The following SHISA9 variants were observed in gnomAD, a reference collection of about 807,000 sequenced individuals.
The protein encoded by SHISA9 is shisa family member 9.
Under a neutral mutation model 38.0 loss-of-function variants are expected in SHISA9, and 13 were observed. The ratio of observed to expected loss-of-function variants is 0.34; its 90% CI spans 0.22 to 0.54. The LOEUF is 0.54. SHISA9 is among the 20% of genes least tolerant of loss of function. SHISA9 has a pLI of 0.91. For missense variants in SHISA9, 538 were observed against 575.8 expected (o/e 0.93, Z 0.67); for synonymous variants, 275 against 242.0 (o/e 1.14, Z -1.27).
intron 2 of SHISA9, among the ~76,000 whole-genome samples, chr16:12,970,424 TATGTATATATATATACACAC>T (rs2072055085): frequency 2.6e-5 from 2 of 77,446 alleles, no homozygotes; most frequent in African/African-American, 1.1e-4. Flanking sequence ...TATACACATA[TATGTATATATATATACACAC>T]ATATATATAT....
the SHISA9 span, among the ~76,000 whole-genome samples, chr16:13,546,205 ACAACTTTAGTCCAAG>A: frequency 0.15 from 22,691 of 152,214 alleles, 1,818 homozygotes; most frequent in African/African-American, 0.19. Flanking sequence ...CCTCAGTGCT[ACAACTTTAGTCCAAG>A]CAACCACCAT....
At chr16:13,256,258 A>G in the SHISA9 span, among the ~76,000 whole-genome samples, 7 of 102,856 alleles carry the variant, frequency 6.8e-5, no homozygotes, top group South Asian at 2.2e-3. Flanking sequence ...TATTGAAATT[A>G]CAGCATATTG....
chr16:13,232,370 A>G (rs1333045140), intron 4 of SHISA9, among the ~76,000 whole-genome samples: 1 of 152,238 alleles, frequency 6.6e-6, no homozygotes, highest in African/African-American at 2.4e-5. Context: ...TCAGCAAACC[A>G]CCATGGCACA....
chr16:13,475,161 G>T, the SHISA9 span, among the ~76,000 whole-genome samples: 492 of 152,206 alleles, frequency 3.2e-3, 3 homozygotes, highest in African/African-American at 0.011. Flanking sequence ...TAGGAAAGAT[G>T]AAGGGATGGA....
chr16:13,159,125 A>G (rs945478168), intron 2 of SHISA9, among the ~76,000 whole-genome samples: 1 of 152,094 alleles, frequency 6.6e-6, no homozygotes, highest in Non-Finnish European at 1.5e-5. Flanking sequence ...CAACAAAAAC[A>G]AAAAACGAAA....
intron 2 of SHISA9, among the ~76,000 whole-genome samples, chr16:12,989,302 T>C (rs1254388297): frequency 6.6e-6 from 1 of 151,976 alleles, no homozygotes; most frequent in Non-Finnish European, 1.5e-5. Context: ...CTCAGCCTCC[T>C]GAGTAGCTGG....
chr16:13,475,333 C>T, the SHISA9 span, among the ~76,000 whole-genome samples: 1 of 92,008 alleles, frequency 1.1e-5, no homozygotes, highest in Non-Finnish European at 2.4e-5. Flanking sequence ...TAATATATAT[C>T]ACATATATAT....
At chr16:13,443,123 T>C in the SHISA9 span, among the ~76,000 whole-genome samples, 1 of 152,192 alleles carries the variant, frequency 6.6e-6, no homozygotes, top group Non-Finnish European at 1.5e-5. Flanking sequence ...CATACTGTTT[T>C]TTCTGGGAAA....
chr16:13,523,062 C>T, the SHISA9 span, among the ~76,000 whole-genome samples: 2 of 152,032 alleles, frequency 1.3e-5, no homozygotes, highest in African/African-American at 4.8e-5. Flanking sequence ...AAATGGAAGA[C>T]CCAGGCCAGG....
the SHISA9 span, among the ~76,000 whole-genome samples, chr16:13,433,915 T>A: frequency 6.6e-6 from 1 of 152,194 alleles, no homozygotes; most frequent in Non-Finnish European, 1.5e-5. Flanking sequence ...GGGACAGAAC[T>A]AATAGGATAG....
the SHISA9 span, among the ~76,000 whole-genome samples, chr16:13,473,189 T>C: frequency 1.3e-5 from 2 of 152,306 alleles, no homozygotes; most frequent in East Asian, 1.9e-4. Context: ...TAATATTTGT[T>C]AGGCAGGACT....
chr16:13,356,397 C>T, the SHISA9 span, among the ~76,000 whole-genome samples: 6 of 152,226 alleles, frequency 3.9e-5, no homozygotes, highest in African/African-American at 1.2e-4. Context: ...AGAGCCTAAA[C>T]GCTTCTGATT....
At position 13,218,926 on chromosome 16, in the gene SHISA9, T is replaced by C. The variant is rs542284257; in HGVS notation, c.895+5626T>C. ...GCTTTAAAACATTACTTCATGAAAT[T>C]TGGGCTTTTGCAATTTCCTGATTTT... On this transcript the variant is annotated intron_variant, in intron 4 of 4. Coordinates refer to ENST00000558583, the MANE Select transcript of SHISA9 (RefSeq NM_001145204.3). Among the ~76,000 whole-genome samples, 6 of 152,280 alleles carry C rather than the reference T, an allele frequency of 3.9e-5. No homozygotes were observed. The East Asian group carries it at 1.2e-3, about 29-fold the overall frequency.
the SHISA9 span, among the ~76,000 whole-genome samples, chr16:13,298,007 C>T: frequency 8.5e-5 from 13 of 152,282 alleles, no homozygotes; most frequent in East Asian, 9.7e-4. Context: ...CCACCCGCCT[C>T]GGCCTCCCAA....
At chr16:13,306,222 G>T in the SHISA9 span, among the ~76,000 whole-genome samples, 73 of 152,294 alleles carry the variant, frequency 4.8e-4, no homozygotes, top group Middle Eastern at 6.8e-3. Context: ...TCATAATTTG[G>T]CAACCAATCT....
the SHISA9 span, among the ~76,000 whole-genome samples, chr16:13,408,473 G>T: frequency 5.3e-5 from 8 of 152,112 alleles, no homozygotes; most frequent in Non-Finnish European, 1.2e-4. Context: ...CAATAATTTT[G>T]TAGTATTATT....
the SHISA9 span, among the ~76,000 whole-genome samples, chr16:13,475,203 T>A: frequency 6.6e-6 from 1 of 151,058 alleles, no homozygotes; most frequent in African/African-American, 2.4e-5. Flanking sequence ...GGAGGTGGAG[T>A]TCTCAGAGCT....
chr16:13,423,733 C>CT, the SHISA9 span, among the ~76,000 whole-genome samples: 150 of 152,282 alleles, frequency 9.9e-4, 1 homozygote, highest in African/African-American at 3.2e-3. Context: ...GTGTTCCAAC[C>CT]TGTAGTCTCT....
chr16:13,465,011 C>A, the SHISA9 span, among the ~76,000 whole-genome samples: 1 of 151,998 alleles, frequency 6.6e-6, no homozygotes, highest in Admixed American at 6.5e-5. Flanking sequence ...TAAAACATAC[C>A]TTTTACCAAA....
Sources: gnomAD v4.1 joint callset for allele counts (sites outside exome capture counted in the v4.1 genomes callset) on GRCh38, gnomAD v4.1.1 for gene constraint, MANE v1.5 for transcripts, NCBI Gene and HGNC (gene_info 2026-07-23, HGNC 2026-07-21) for gene names.